DIAPH2: variants seen among roughly 807,000 people sequenced by gnomAD.
DIAPH2 encodes the protein protein diaphanous homolog 2.
DIAPH2 carries 35 observed loss-of-function variants against 92.7 expected under a neutral mutation model. The observed-to-expected ratio is 0.38, with a 90% confidence interval of 0.29 to 0.50. DIAPH2 has a LOEUF of 0.50. Among genes scored for constraint, DIAPH2 ranks in the 20% least tolerant of loss-of-function variants. DIAPH2 has a pLI of 0.94. For synonymous variants in DIAPH2, 301 were observed against 280.4 expected (o/e 1.07, Z -0.73); for missense variants, 701 against 819.5 (o/e 0.86, Z 1.77).
intron 17 of DIAPH2, among the ~76,000 whole-genome samples, chrX:97,014,069 T>G (rs1342494149): frequency 9.0e-6 from 1 of 111,621 alleles, no homozygotes; most frequent in Admixed American, 9.5e-5. Flanking sequence ...CATGACACAG[T>G]GGGATGTATA....
At chrX:97,570,127 A>AAGAT (rs56210210) in intron 26 of DIAPH2, among the ~76,000 whole-genome samples, 11,277 of 26,327 alleles carry the variant, frequency 0.43, 2,626 homozygotes, top group East Asian at 0.5. Context: ...TATATATTAG[A>AAGAT]AGATAGATAG....
intron 17 of DIAPH2, among the ~76,000 whole-genome samples, chrX:97,054,258 T>C (rs749979212): frequency 1.8e-5 from 2 of 112,329 alleles, no homozygotes; most frequent in Admixed American, 1.9e-4. Flanking sequence ...TAAGAATTTT[T>C]ACAGTTTGGC....
At chrX:97,450,859 A>C (rs1333321654) in intron 26 of DIAPH2, among the ~76,000 whole-genome samples, 1 of 105,222 alleles carries the variant, frequency 9.5e-6, no homozygotes, top group Non-Finnish European at 1.9e-5. Flanking sequence ...AAGTCACAGG[A>C]TAAGCCTCCT....
intron 22 of DIAPH2, among the ~76,000 whole-genome samples, chrX:97,227,230 C>T (rs913344765): frequency 9.0e-5 from 10 of 110,979 alleles, no homozygotes; most frequent in African/African-American, 3.0e-4. Flanking sequence ...GCCGAGATCA[C>T]GCCACTGCAC....
intron 22 of DIAPH2, among the ~76,000 whole-genome samples, chrX:97,174,704 GT>G (rs1461012893): frequency 2.7e-5 from 3 of 112,088 alleles, no homozygotes; most frequent in African/African-American, 9.7e-5. Flanking sequence ...CTACTGGTGT[GT>G]GTGTGTTTAA....
chrX:96,915,200 T>C (rs1792561989), intron 7 of DIAPH2, among the ~76,000 whole-genome samples: 1 of 110,916 alleles, frequency 9.0e-6, no homozygotes, highest in Admixed American at 9.6e-5. Flanking sequence ...TTATAAACAT[T>C]AAGTAAAATT....
At chrX:96,877,249 C>A (rs1360853107) in intron 4 of DIAPH2, among the ~76,000 whole-genome samples, 1 of 111,523 alleles carries the variant, frequency 9.0e-6, no homozygotes, top group Admixed American at 9.6e-5. Flanking sequence ...GTTATAGGAG[C>A]CTCTCCAAGA....
chrX:96,958,827 T>C (rs2065829324), intron 16 of DIAPH2, among the ~76,000 whole-genome samples: 1 of 111,823 alleles, frequency 8.9e-6, no homozygotes, highest in Non-Finnish European at 1.9e-5. Flanking sequence ...TGAGAATATA[T>C]GATATTTGTT....
At chrX:97,232,746 T>C (rs752126239) in intron 22 of DIAPH2, among the ~76,000 whole-genome samples, 3 of 111,626 alleles carry the variant, frequency 2.7e-5, no homozygotes, top group Admixed American at 9.6e-5. Flanking sequence ...CGTTGTTCCA[T>C]CATTTCTAAC....
chrX:97,137,374 G>A (rs777333400), intron 21 of DIAPH2, among the ~76,000 whole-genome samples: 2 of 99,531 alleles, frequency 2.0e-5, no homozygotes, highest in Non-Finnish European at 4.0e-5. Context: ...ATCTGCATTC[G>A]GAAACATTTA....
At chrX:97,153,315 G>T (rs1029413629) in intron 22 of DIAPH2, among the ~76,000 whole-genome samples, 1 of 111,519 alleles carries the variant, frequency 9.0e-6, no homozygotes, top group Non-Finnish European at 1.9e-5. Flanking sequence ...AGGCGCTGTG[G>T]CTCACACCTG....
chrX:97,214,836 TAAAAAAA>T (rs368311868), intron 22 of DIAPH2, among the ~76,000 whole-genome samples: 1 of 62,810 alleles, frequency 1.6e-5, no homozygotes, highest in Non-Finnish European at 2.9e-5. Flanking sequence ...CGTCTCAAAT[TAAAAAAA>T]AAAAAAAAAA....
chrX:97,487,236 G>A (rs938224667), intron 26 of DIAPH2, among the ~76,000 whole-genome samples: 1 of 111,980 alleles, frequency 8.9e-6, no homozygotes, highest in Non-Finnish European at 1.9e-5. Context: ...GAACATGGGA[G>A]TGCAGATATC....
At chrX:96,733,763 T>TG (rs1300479065) in intron 1 of DIAPH2, among the ~76,000 whole-genome samples, 1 of 111,532 alleles carries the variant, frequency 9.0e-6, no homozygotes, top group East Asian at 2.8e-4. Flanking sequence ...TCTTTGCAAA[T>TG]GGCAGAATGA....
chrX:97,494,910 G>A (rs1222860114), intron 26 of DIAPH2, among the ~76,000 whole-genome samples: 1 of 112,386 alleles, frequency 8.9e-6, no homozygotes, highest in Admixed American at 9.4e-5. Context: ...ATCTTGTAGA[G>A]CTATGCTCAC....
chrX:96,793,493 A>T, intron 4 of DIAPH2: 1 of 297,486 alleles, frequency 3.4e-6, no homozygotes. Flanking sequence ...AAACAACAGA[A>T]ATGAAACTTA....
At chrX:97,125,936 G>A (rs1276358333) in intron 21 of DIAPH2, among the ~76,000 whole-genome samples, 3 of 111,541 alleles carry the variant, frequency 2.7e-5, no homozygotes, top group African/African-American at 6.5e-5. Context: ...CATTTTCAGC[G>A]CTAGAGCAGA....
intron 26 of DIAPH2, among the ~76,000 whole-genome samples, chrX:97,507,926 T>A (rs771755024): frequency 9.1e-6 from 1 of 110,319 alleles, no homozygotes; most frequent in East Asian, 2.9e-4. Flanking sequence ...GTGGGAAGAG[T>A]TGGATTCGTA....
chrX:96,945,582 T>G lies in DIAPH2; in HGVS notation c.1500T>G (p.Phe500Leu). The G allele has an allele frequency of 2.6e-6, 3 of 1,154,101 alleles. No homozygotes were observed. The highest frequency in any genetic ancestry group is 1.1e-6 in the Non-Finnish European group (1 of 871,153). ...VEESEQKAAE[F>L]SKKFDEEFTA... is the part of the protein sequence containing the mutation. ...AAAGTGAACAAAAAGCTGCAGAGTT[T>G]TCAAAGAAGGTAAGCTTATAAAATA... The change falls in exon 14 of 27, where the codon TTT (phenylalanine) becomes TTG (leucine). Residue 500 changes from phenylalanine (F) to leucine (L), a missense_variant. Physicochemically the swap from Phe to Leu is conservative, Grantham distance 22. Around this residue, in one of 3 missense-constraint regions of DIAPH2, gnomAD observed 536 missense variants for 599.3 expected, o/e 0.89. Transcript: ENST00000324765.
Sources: gnomAD v4.1 joint callset for allele counts (sites outside exome capture counted in the v4.1 genomes callset) on GRCh38, gnomAD v4.1.1 for gene constraint, gnomAD v4.1.1 regional missense constraint, MANE v1.5 for transcripts, NCBI Gene and HGNC (gene_info 2026-07-23, HGNC 2026-07-21) for gene names.